DAB1: variants seen among roughly 807,000 people sequenced by gnomAD.
The protein encoded by DAB1 is disabled homolog 1.
Under a neutral mutation model 64.6 loss-of-function variants are expected in DAB1, and 15 were observed. The ratio of observed to expected loss-of-function variants is 0.23; its 90% CI spans 0.16 to 0.36. The LOEUF (loss-of-function observed/expected upper bound fraction) is 0.36, where lower values mean the gene tolerates loss of function less well. Ranked by LOEUF, DAB1 falls within the 10% of genes least tolerant of loss-of-function variation. The probability of loss-of-function intolerance (pLI) is 1.00; values close to 1 mark genes in which losing one functional copy is unlikely to be tolerated. For synonymous variants in DAB1, 235 were observed against 251.9 expected (o/e 0.93, Z 0.64); for missense variants, 596 against 706.7 (o/e 0.84, Z 1.78).
At chr1:58,145,933 C>G (rs74958992) in intron 5 of DAB1, among the ~76,000 whole-genome samples, 1,640 of 152,202 alleles carry the variant, frequency 0.011, 32 homozygotes, top group African/African-American at 0.038. Context: ...AAGACTAACC[C>G]CTCCTCCTTC....
intron 1 of DAB1, among the ~76,000 whole-genome samples, chr1:57,363,405 G>A (rs1035066183): frequency 3.3e-5 from 5 of 152,138 alleles, no homozygotes; most frequent in African/African-American, 9.7e-5. Context: ...CAACTGCAGA[G>A]CACGGAGGCA....
chr1:57,243,779 C>G (rs945773332), intron 2 of DAB1, among the ~76,000 whole-genome samples: 1 of 152,142 alleles, frequency 6.6e-6, no homozygotes, highest in Admixed American at 6.5e-5. Context: ...CGCTGGTGGT[C>G]GCTTCCCCTG....
chr1:58,013,508 A>G (rs1285530306), intron 5 of DAB1, among the ~76,000 whole-genome samples: 2 of 152,166 alleles, frequency 1.3e-5, no homozygotes, highest in Non-Finnish European at 2.9e-5. Flanking sequence ...TTTAATAACA[A>G]CAACCTTGTA....
At chr1:57,807,212 T>C (rs1651403929) in intron 6 of DAB1, among the ~76,000 whole-genome samples, 1 of 152,230 alleles carries the variant, frequency 6.6e-6, no homozygotes, top group South Asian at 2.1e-4. Flanking sequence ...CATCTCTGTA[T>C]ACTTACTTGT....
intron 6 of DAB1, among the ~76,000 whole-genome samples, chr1:57,696,851 T>TA (rs1646851179): frequency 1.3e-5 from 2 of 152,218 alleles, no homozygotes; most frequent in African/African-American, 2.4e-5. Context: ...GGTCTTGATT[T>TA]CCTAATTATC....
At chr1:57,539,901 A>G (rs994468703) in intron 7 of DAB1, among the ~76,000 whole-genome samples, 6 of 152,134 alleles carry the variant, frequency 3.9e-5, no homozygotes, top group Non-Finnish European at 5.9e-5. Flanking sequence ...CATAAACCCA[A>G]ACAGATGAGG....
Position 57,753,327 on chromosome 1 carries a change from A to G in DAB1, n.552-103662T>C, listed in dbSNP as rs544017105. On this transcript the variant is annotated intron_variant and non_coding_transcript_variant, in intron 6 of 20. Transcript: ENST00000485760. ...TCGACTTCAGTGGATTTCTCTGGAC[A>G]TGCCACTGGACCTAATGAGAACTGT... Among the ~76,000 whole-genome samples the G allele has an allele frequency of 2.5e-4, 38 of 152,342 alleles. 1 individual carries two copies. In the South Asian group the frequency reaches 7.5e-3, roughly 30 times the overall value.
At position 57,570,712 on chromosome 1, in the gene DAB1, T is replaced by G. The variant is rs575656882; in HGVS notation, n.625+78880A>C. On this transcript the variant is annotated intron_variant and non_coding_transcript_variant, in intron 7 of 20. Transcript: ENST00000485760. The stretch of plus-strand genomic sequence containing the variant: ...TCTCACCCCTTCAAACAACTAGGAT[T>G]ATTTTTTATAGTTCTGTGAAGAACG... 1.1e-3 allele frequency among the ~76,000 whole-genome samples: 171 copies of G among 152,290 alleles called. 1 individual carries two copies. The highest frequency in any genetic ancestry group is 3.9e-3 in the African/African-American group (161 of 41,570).
chr1:57,057,631 A>G (rs1416863573), intron 9 of DAB1, among the ~76,000 whole-genome samples: 20 of 146,068 alleles, frequency 1.4e-4, no homozygotes, highest in African/African-American at 4.4e-4. Flanking sequence ...TTTTGGAGAC[A>G]GAGTCTCGTT....
At chr1:58,337,142 C>T (rs762760314) in intron 4 of DAB1, among the ~76,000 whole-genome samples, 1 of 151,682 alleles carries the variant, frequency 6.6e-6, no homozygotes, top group Non-Finnish European at 1.5e-5. Context: ...ATTAGCCAGG[C>T]GTGGCGATGC....
chr1:58,279,183 C>A (rs1323138322), intron 4 of DAB1, among the ~76,000 whole-genome samples: 1 of 152,212 alleles, frequency 6.6e-6, no homozygotes, highest in Non-Finnish European at 1.5e-5. Flanking sequence ...GTGAAAAATT[C>A]TCAGATTCCT....
chr1:57,654,323 G>A (rs1171354303), intron 6 of DAB1, among the ~76,000 whole-genome samples: 2 of 152,164 alleles, frequency 1.3e-5, no homozygotes, highest in East Asian at 3.9e-4. Context: ...TGCTGAGGAT[G>A]GGAGTTCCAT....
intron 5 of DAB1, among the ~76,000 whole-genome samples, chr1:57,891,631 G>A (rs577656252): frequency 1.3e-5 from 2 of 152,288 alleles, no homozygotes; most frequent in East Asian, 1.9e-4. Flanking sequence ...ATAATAGACT[G>A]GATAAAGAAA....
intron 4 of DAB1, among the ~76,000 whole-genome samples, chr1:58,313,601 A>C (rs1662477598): frequency 6.6e-6 from 1 of 152,152 alleles, no homozygotes; most frequent in Non-Finnish European, 1.5e-5. Context: ...TGAAGAATAG[A>C]AAACAGTAGA....
intron 4 of DAB1, among the ~76,000 whole-genome samples, chr1:57,109,320 A>T (rs1466670801): frequency 6.6e-6 from 1 of 152,178 alleles, no homozygotes; most frequent in Non-Finnish European, 1.5e-5. Context: ...CCAATTTATG[A>T]CATGAGTTTC....
At chr1:57,170,532 T>C (rs1238536827) in intron 2 of DAB1, among the ~76,000 whole-genome samples, 1 of 152,102 alleles carries the variant, frequency 6.6e-6, no homozygotes, top group Non-Finnish European at 1.5e-5. Context: ...ACCTGTCAGG[T>C]ACTTACTATT....
intron 4 of DAB1, among the ~76,000 whole-genome samples, chr1:58,243,679 TTCTA>T (rs998318361): frequency 1.3e-5 from 2 of 152,216 alleles, no homozygotes; most frequent in Non-Finnish European, 2.9e-5. Flanking sequence ...AAACATTCTC[TTCTA>T]TCTTTCACAA....
chr1:57,891,627 G>A (rs1289458748), intron 5 of DAB1, among the ~76,000 whole-genome samples: 1 of 152,142 alleles, frequency 6.6e-6, no homozygotes, highest in East Asian at 1.9e-4. Context: ...ATCAATAATA[G>A]ACTGGATAAA....
At chr1:58,125,388 T>C (rs986293921) in intron 5 of DAB1, among the ~76,000 whole-genome samples, 2 of 152,130 alleles carry the variant, frequency 1.3e-5, no homozygotes, top group Non-Finnish European at 2.9e-5. Context: ...AGTACAATCA[T>C]AGTGCTAATA....
Sources: gnomAD v4.1 joint callset for allele counts (sites outside exome capture counted in the v4.1 genomes callset) on GRCh38, gnomAD v4.1.1 for gene constraint, MANE v1.5 for transcripts, NCBI Gene and HGNC (gene_info 2026-07-23, HGNC 2026-07-21) for gene names.